Variants in CXorf38 observed in about 807,000 individuals in gnomAD.
CXorf38 encodes chromosome X open reading frame 38.
CXorf38 carries 13 observed loss-of-function variants against 27.5 expected under a neutral mutation model. The ratio of observed to expected loss-of-function variants is 0.47; its 90% CI spans 0.31 to 0.75. CXorf38 has a LOEUF of 0.75. Ranked by LOEUF, CXorf38 falls within the 30% of genes least tolerant of loss-of-function variation. The probability of loss-of-function intolerance (pLI) is 0.05; values close to 1 mark genes in which losing one functional copy is unlikely to be tolerated. For synonymous variants in CXorf38, 100 were observed against 99.8 expected (o/e 1.00, Z -0.01); for missense variants, 240 against 253.2 (o/e 0.95, Z 0.35).
rs1057365469 is a variant in CXorf38 at position 40,629,590 on chromosome X, T to C, written c.*574A>G. ...CACCTTTTAAATAGCAGAAAATCCCTGGGTGGTAGCAAGTTTTGTTGTTGT... is the reference window on the plus strand; with the variant it reads ...CACCTTTTAAATAGCAGAAAATCCCCGGGTGGTAGCAAGTTTTGTTGTTGT... On this transcript the variant is annotated 3_prime_UTR_variant, in exon 7 of 7. Transcript: ENST00000327877. 4 of 111,752 alleles carry C rather than the reference T, an allele frequency of 3.6e-5. No homozygotes were observed. The highest frequency in any genetic ancestry group is 1.3e-4 in the African/African-American group (4 of 30,709). The allele number at this position is 111,752 out of a possible 1,213,427, so 9.2% of individuals were successfully genotyped here.
At position 40,636,559 on chromosome X, in the gene CXorf38, C is replaced by T; in HGVS notation, c.775G>A (p.Glu259Lys). ...EKLQEIYLQA[E>K]EQEVLPEELS... ...TCTTCAGGCAACACCTCTTGTTCTT[C>T]TGCTTGAAGATATATCTCTTGAAGT... is the stretch of plus-strand genomic sequence containing the variant. Residue 259 changes from glutamate (E) to lysine (K), a missense_variant, in exon 5 of 7, where the codon GAA (glutamate) becomes AAA (lysine). By Grantham distance (56) the Glu-to-Lys change is moderately conservative. Transcript: ENST00000327877. The T allele has an allele frequency of 8.3e-7, 1 of 1,204,917 alleles. No individual in the cohort carries two copies. The highest frequency in any genetic ancestry group is 1.1e-6 in the Non-Finnish European group (1 of 890,758).
chrX:40,632,464 T>C (rs1032994191), intron 5 of CXorf38, among the ~76,000 whole-genome samples: 1 of 112,273 alleles, frequency 8.9e-6, no homozygotes, highest in African/African-American at 3.2e-5. Context: ...ATAGCTGACA[T>C]TTCTTGAAAC....
At position 40,639,036 on chromosome X, in the gene CXorf38, G is replaced by A. The variant is rs1165165971; in HGVS notation, c.444C>T (p.Phe148=). The A allele has an allele frequency of 2.5e-6, 3 of 1,210,738 alleles. No homozygotes were observed. Among genetic ancestry groups the A allele is most frequent in the East Asian group, 3.0e-5 (1 of 33,807 alleles). ...LLSLINSCDH[F]VVDRKKVTEV... is the part of the protein sequence containing the mutation. ...CTGTGACTTTCTTTCGATCAACCAC[G>A]AAGTGATCGCAGGAGTTGATGAGAC... Residue 148 remains phenylalanine, a synonymous_variant, in exon 3 of 7, where the codon TTC becomes TTT. Coordinates refer to ENST00000327877, the MANE Select transcript of CXorf38 (RefSeq NM_144970.3).
intron 2 of CXorf38, among the ~76,000 whole-genome samples, chrX:40,641,620 G>A (rs1172518155): frequency 9.0e-6 from 1 of 111,711 alleles, no homozygotes; most frequent in Non-Finnish European, 1.9e-5. Flanking sequence ...TTAAACTCCT[G>A]GAGTCAAGTG....
chrX:40,629,094 A>G lies in CXorf38; in HGVS notation c.*1070T>C, dbSNP rs1927655668. On this transcript the variant is annotated 3_prime_UTR_variant, in exon 7 of 7. Transcript: ENST00000327877. ...CAGTGGCATGATCATAGCTCACCAC[A>G]GCCTTGACCACCTGGGCTCAAGGGA... 1 of 108,836 alleles carries G rather than the reference A, an allele frequency of 9.2e-6. No homozygotes were observed. The highest frequency in any genetic ancestry group is 1.9e-5 in the Non-Finnish European group (1 of 52,431). 9.0% of individuals were successfully genotyped at this position (108,836 alleles called of 1,213,427 possible).
chrX:40,628,312 A>T lies in CXorf38; in HGVS notation c.*1852T>A. 1 of 112,146 alleles carries T rather than the reference A, an allele frequency of 8.9e-6. No individual in the cohort carries two copies. Among genetic ancestry groups the T allele is most frequent in the Non-Finnish European group, 1.9e-5 (1 of 53,260 alleles). The allele number at this position is 112,146 out of a possible 1,213,427, so 9.2% of individuals were successfully genotyped here. The stretch of plus-strand genomic sequence containing the variant: ...TAAACCCCTGCCCTCCACCCATTCT[A>T]CAGATGACATCCTTGGTGGGCGGCT... On this transcript the variant is annotated 3_prime_UTR_variant, in exon 7 of 7. Transcript: ENST00000327877.
rs751031878 is a variant in CXorf38 at position 40,627,577 on chromosome X, C to G, written c.*2587G>C. ...ACAGTGCAGCATCGCTTCATTCTTT[C>G]CAACAGTTGCATAAGATCCTGTAGT... On this transcript the variant is annotated 3_prime_UTR_variant, in exon 7 of 7. Transcript: ENST00000327877. 8.9e-6 allele frequency: 1 copy of G among 112,316 alleles called. No individual in the cohort carries two copies. Among genetic ancestry groups the G allele is most frequent in the South Asian group, 3.7e-4 (1 of 2,719 alleles). 9.3% of individuals were successfully genotyped at this position (112,316 alleles called of 1,213,427 possible).
intron 2 of CXorf38, chrX:40,639,990 G>A: frequency 6.8e-6 from 1 of 147,484 alleles, no homozygotes; most frequent in Non-Finnish European, 1.3e-5. Context: ...ACTTTACTAG[G>A]CTAAGAATCA....
intron 2 of CXorf38, among the ~76,000 whole-genome samples, chrX:40,643,716 GT>G (rs1928449827): frequency 9.0e-6 from 1 of 110,925 alleles, no homozygotes; most frequent in Non-Finnish European, 1.9e-5. Context: ...CTCCTTGCTG[GT>G]CAGGTTGGTC....
chrX:40,634,615 C>T (rs184277384), intron 5 of CXorf38, among the ~76,000 whole-genome samples: 84 of 112,142 alleles, frequency 7.5e-4, no homozygotes, highest in African/African-American at 2.6e-3. Context: ...CAGCATTTTA[C>T]ATTCATTGAA....
intron 5 of CXorf38, among the ~76,000 whole-genome samples, chrX:40,635,197 C>T (rs918883323): frequency 5.3e-5 from 6 of 113,066 alleles, no homozygotes; most frequent in African/African-American, 1.9e-4. Flanking sequence ...AAAATAAAGA[C>T]AGAGGAACTC....
At chrX:40,643,081 C>T (rs1928406777) in intron 2 of CXorf38, among the ~76,000 whole-genome samples, 1 of 109,175 alleles carries the variant, frequency 9.2e-6, no homozygotes, top group South Asian at 4.0e-4. Flanking sequence ...CAGCCACGCC[C>T]GGCTAATTTT....
chrX:40,637,777 C>T (rs1928140056), intron 3 of CXorf38, among the ~76,000 whole-genome samples: 1 of 112,180 alleles, frequency 8.9e-6, no homozygotes, highest in Non-Finnish European at 1.9e-5. Context: ...GGCAACAATT[C>T]GGCCTTTTCT....
At chrX:40,635,752 T>A (rs1470712057) in intron 5 of CXorf38, among the ~76,000 whole-genome samples, 1 of 111,466 alleles carries the variant, frequency 9.0e-6, no homozygotes, top group African/African-American at 3.3e-5. Flanking sequence ...CATGCCATGC[T>A]CCAAGTAATC....
chrX:40,641,360 A>G (rs1053734722), intron 2 of CXorf38, among the ~76,000 whole-genome samples: 4 of 111,925 alleles, frequency 3.6e-5, no homozygotes, highest in Non-Finnish European at 7.5e-5. Context: ...TTTCTCACCA[A>G]TATAAGCCAA....
At chrX:40,642,890 G>T (rs1471462436) in intron 2 of CXorf38, among the ~76,000 whole-genome samples, 1 of 110,026 alleles carries the variant, frequency 9.1e-6, no homozygotes, top group African/African-American at 3.3e-5. Context: ...ACCCATCTCA[G>T]CCTCCCAAGT....
Position 40,647,508 on chromosome X carries a change from C to G in CXorf38, c.13G>C (p.Glu5Gln). 1 of 1,185,185 alleles carries G rather than the reference C, an allele frequency of 8.4e-7. No individual in the cohort carries two copies. Among genetic ancestry groups the G allele is most frequent in the Middle Eastern group, 2.3e-4 (1 of 4,282 alleles). ...GCGCAGTTGAGGCGCGCCGCTAGCT[C>G]CGACAGCACCATGTCTCCCACTTGG... MVLS[E>Q]LAARLNCAEY... Residue 5 changes from glutamate (E) to glutamine (Q), a missense_variant, in exon 1 of 7, where the codon GAG becomes CAG. Transcript: ENST00000327877.
At chrX:40,636,900 T>G in intron 4 of CXorf38, 107 bp downstream of exon 4, 1 of 886,761 alleles carries the variant, frequency 1.1e-6, no homozygotes. Context: ...CTGCTTACAT[T>G]CTAACACTTA....
At chrX:40,638,480 T>C (rs1476032504) in intron 3 of CXorf38, among the ~76,000 whole-genome samples, 1 of 112,286 alleles carries the variant, frequency 8.9e-6, no homozygotes, top group Non-Finnish European at 1.9e-5. Context: ...AGAGGAAATC[T>C]AACAAGCACA....
Sources: gnomAD v4.1 joint callset for allele counts (sites outside exome capture counted in the v4.1 genomes callset) on GRCh38, gnomAD v4.1.1 for gene constraint, MANE v1.5 for transcripts, NCBI Gene and HGNC (gene_info 2026-07-23, HGNC 2026-07-21) for gene names.